Variants in FGF18 observed in about 807,000 individuals in gnomAD.
FGF18 encodes fibroblast growth factor 18.
Under a neutral mutation model 23.0 loss-of-function variants are expected in FGF18, and 5 were observed. That is an observed-to-expected ratio of 0.22 (90% confidence interval 0.11 to 0.46). The LOEUF (loss-of-function observed/expected upper bound fraction) is 0.46. Among genes scored for constraint, FGF18 ranks in the 20% least tolerant of loss-of-function variants. The probability of loss-of-function intolerance (pLI) is 0.99; values close to 1 mark genes in which losing one functional copy is unlikely to be tolerated. For synonymous variants in FGF18, 117 were observed against 118.9 expected (o/e 0.98, Z 0.10); for missense variants, 180 against 291.6 (o/e 0.62, Z 2.79).
intron 4 of FGF18, among the ~76,000 whole-genome samples, chr5:171,450,573 C>A (rs906006823): frequency 2.0e-4 from 30 of 152,338 alleles, no homozygotes; most frequent in African/African-American, 7.0e-4. Context: ...GGAAAAGATT[C>A]CAGCCGCACT....
rs530307816 is a variant in FGF18 at position 171,456,229 on chromosome 5, C to T, written c.358-310C>T. Among the ~76,000 whole-genome samples, 2 of 152,322 alleles carry T rather than the reference C, an allele frequency of 1.3e-5. No homozygotes were observed. Among genetic ancestry groups the T allele is most frequent in the Middle Eastern group, 3.4e-3 (1 of 294 alleles). ...TATGATCAGGGTCCTCATCCTCCTC[C>T]ATCCCTCAGGTGATGTCTGGTCACC... On this transcript the variant is annotated intron_variant, in intron 4 of 4. Coordinates refer to ENST00000274625, the MANE Select transcript of FGF18 (RefSeq NM_003862.3). The surrounding 1 kb of genome is among the most constrained non-coding windows in gnomAD (Gnocchi z 6.1).
intron 2 of FGF18, among the ~76,000 whole-genome samples, chr5:171,433,870 G>T (rs1772213077): frequency 6.6e-6 from 1 of 152,204 alleles, no homozygotes; most frequent in Admixed American, 6.5e-5. Flanking sequence ...GCCCCATAAA[G>T]GGTTCCCTTG....
intron 3 of FGF18, among the ~76,000 whole-genome samples, chr5:171,446,146 T>C (rs77179012): frequency 0.034 from 5,218 of 152,364 alleles, 131 homozygotes; most frequent in Middle Eastern, 0.065. Flanking sequence ...CTCCATCGCA[T>C]GCTGCGGTCG....
rs370117183 is a variant in FGF18, at chr5:171,420,428, G to A, written c.54G>A (p.Leu18=). The change falls in exon 2 of 5, where the codon CTG becomes CTA. Residue 18 remains leucine (L), a synonymous_variant. Transcript: ENST00000274625. The part of the protein sequence containing the change: ...CTCLCLHFLL[L]CFQVQVLVAE... ...GCAGGTGTTTACACTTCCTGCTGCT[G>A]TGCTTCCAGGTACAGGTACGTGGGC... The A allele has an allele frequency of 1.9e-6, 3 of 1,613,672 alleles. No individual in the cohort carries two copies. In the African/African-American group the frequency reaches 4.0e-5, roughly 22 times the overall value.
chr5:171,425,691 C>T (rs1049604485), intron 2 of FGF18, among the ~76,000 whole-genome samples: 8 of 151,880 alleles, frequency 5.3e-5, no homozygotes, highest in South Asian at 2.1e-4. Flanking sequence ...CCACCATGCC[C>T]GGCTAATTTT....
chr5:171,426,248 G>C (rs1217175331), intron 2 of FGF18, among the ~76,000 whole-genome samples: 7 of 152,126 alleles, frequency 4.6e-5, no homozygotes, highest in African/African-American at 1.7e-4. Context: ...CTTGCCCCCT[G>C]CCCGCCCCCA....
intron 2 of FGF18, among the ~76,000 whole-genome samples, chr5:171,423,738 A>G (rs1772054313): frequency 1.3e-5 from 2 of 151,224 alleles, no homozygotes; most frequent in South Asian, 4.2e-4. Context: ...CCTTTGGTGC[A>G]AAAAGAGGAT....
chr5:171,424,825 T>C (rs1434587966), intron 2 of FGF18, among the ~76,000 whole-genome samples: 1 of 140,770 alleles, frequency 7.1e-6, no homozygotes, highest in African/African-American at 2.6e-5. Flanking sequence ...AGCACTCCTC[T>C]TCCAGCCTAT....
chr5:171,441,628 T>C (rs1015115884), intron 3 of FGF18, among the ~76,000 whole-genome samples: 2 of 152,186 alleles, frequency 1.3e-5, no homozygotes, highest in Non-Finnish European at 2.9e-5. Flanking sequence ...CGACCTGCTG[T>C]TATATATTTA....
At chr5:171,446,151 C>T (rs1332333830) in intron 3 of FGF18, among the ~76,000 whole-genome samples, 2 of 152,236 alleles carry the variant, frequency 1.3e-5, no homozygotes, top group Non-Finnish European at 1.5e-5. Flanking sequence ...TCGCATGCTG[C>T]GGTCGGGGAG....
chr5:171,422,283 G>C (rs1772021683), intron 2 of FGF18, among the ~76,000 whole-genome samples: 1 of 152,056 alleles, frequency 6.6e-6, no homozygotes, highest in African/African-American at 2.4e-5. Context: ...GTCTGCCCTG[G>C]TTAGGTCAAG....
At chr5:171,427,798 T>C (rs1245687315) in intron 2 of FGF18, among the ~76,000 whole-genome samples, 1 of 152,186 alleles carries the variant, frequency 6.6e-6, no homozygotes, top group African/African-American at 2.4e-5. Flanking sequence ...AAGCTCTGTT[T>C]CCCCCGATCC....
At chr5:171,431,964 A>C (rs991052350) in intron 2 of FGF18, among the ~76,000 whole-genome samples, 1 of 152,076 alleles carries the variant, frequency 6.6e-6, no homozygotes, top group African/African-American at 2.4e-5. Context: ...CACGAGAATC[A>C]CTTGAACCGG....
chr5:171,451,936 T>C lies in FGF18; in HGVS notation c.357+2683T>C, dbSNP rs965895096. ...GCACAGCCCTCTGTTGCCTGTCTGCTAACCTGGGTTGTCACTGTTTGTCTT... is the reference window on the plus strand; with the variant it reads ...GCACAGCCCTCTGTTGCCTGTCTGCCAACCTGGGTTGTCACTGTTTGTCTT... On this transcript the variant is annotated intron_variant, in intron 4 of 4. Transcript: ENST00000274625. This position sits in a 1 kb window ranked among gnomAD's most constrained non-coding sequence, Gnocchi z 4.5. Among the ~76,000 whole-genome samples the C allele has an allele frequency of 3.3e-5, 5 of 152,144 alleles. No homozygotes were observed. The highest frequency in any genetic ancestry group is 1.2e-4 in the African/African-American group (5 of 41,436).
In FGF18 at chr5:171,436,034, C is replaced by T; in HGVS notation, c.70-59C>T. The T allele has an allele frequency of 1.5e-6, 2 of 1,373,418 alleles. No homozygotes were observed. The highest frequency in any genetic ancestry group is 1.9e-6 in the Non-Finnish European group (2 of 1,045,006). 85.1% of individuals were successfully genotyped at this position (1,373,418 alleles called of 1,614,324 possible). A position where few individuals can be genotyped will look rare whatever the true frequency, so the allele number is the denominator to read the frequency against. On this transcript the variant is annotated intron_variant, in intron 2 of 4. Transcript: ENST00000274625. The surrounding 1 kb of genome is among the most constrained non-coding windows in gnomAD (Gnocchi z 4.4). Reference sequence around the variant, plus strand: ...TCTTTGTGGTGGACGTGGCTGGCTCCTGCATGCAGTGGGCCTGGGACATCT... The same window carrying T: ...TCTTTGTGGTGGACGTGGCTGGCTCTTGCATGCAGTGGGCCTGGGACATCT...
chr5:171,441,076 C>T (rs1392108030), intron 3 of FGF18, among the ~76,000 whole-genome samples: 1 of 152,176 alleles, frequency 6.6e-6, no homozygotes, highest in Non-Finnish European at 1.5e-5. Flanking sequence ...GTCAGTGGCT[C>T]ACACAGGGAG....
intron 4 of FGF18, among the ~76,000 whole-genome samples, chr5:171,455,169 C>T (rs1408367343): frequency 2.6e-5 from 4 of 152,192 alleles, no homozygotes; most frequent in Admixed American, 2.6e-4. Context: ...TTTTCTGACT[C>T]CAAATCTAGT....
rs945681686 is a variant in FGF18 at position 171,434,638 on chromosome 5, A to G, written c.70-1455A>G. 6.6e-6 allele frequency among the ~76,000 whole-genome samples: 1 copy of G among 152,186 alleles called. No individual in the cohort carries two copies. The highest frequency in any genetic ancestry group is 2.4e-5 in the African/African-American group (1 of 41,438). ...GTGGTTGACATGGGATAGGACATGC[A>G]TACAACCAGCAGGGTGTAGGGGACC... On this transcript the variant is annotated intron_variant, in intron 2 of 4. Transcript: ENST00000274625. This position sits in a 1 kb window ranked among gnomAD's most constrained non-coding sequence, Gnocchi z 4.6.
At chr5:171,449,041 G>T in intron 3 of FGF18, 106 bp from the exon 4 acceptor site, 1 of 792,512 alleles carries the variant, frequency 1.3e-6, no homozygotes, top group South Asian at 1.5e-5. Context: ...GATTTTGGGG[G>T]AGTGAGGGAC....
Sources: gnomAD v4.1 joint callset for allele counts (sites outside exome capture counted in the v4.1 genomes callset) on GRCh38, gnomAD v4.1.1 for gene constraint, Gnocchi (gnomAD v3.1) non-coding constraint, MANE v1.5 for transcripts, NCBI Gene and HGNC (gene_info 2026-07-23, HGNC 2026-07-21) for gene names.